Variants in PHLPP2 observed in about 807,000 individuals in gnomAD.
The protein encoded by PHLPP2 is PH domain and leucine rich repeat protein phosphatase 2, also known as PH domain leucine-rich repeat-containing protein phosphatase 2.
PHLPP2 carries 66 observed loss-of-function variants against 124.9 expected under a neutral mutation model. The observed-to-expected ratio is 0.53, with a 90% CI of 0.43 to 0.65. The LOEUF is 0.65. Among genes scored for constraint, PHLPP2 ranks in the 30% least tolerant of loss-of-function variants. The pLI is 0.00. For missense variants in PHLPP2, 1,685 were observed against 1,600.4 expected, an observed-to-expected ratio of 1.05 and a Z score of -0.90; for synonymous variants, 681 against 624.7, an observed-to-expected ratio of 1.09 and a Z score of -1.34.
intron 4 of PHLPP2, among the ~76,000 whole-genome samples, chr16:71,689,404 T>C (rs1189465199): frequency 7.0e-6 from 1 of 143,462 alleles, no homozygotes; most frequent in Non-Finnish European, 1.5e-5. Flanking sequence ...TTTTTTTTTT[T>C]TTTTTTGAGA....
chr16:71,684,446 TC>T (rs1231162624), intron 5 of PHLPP2, 29 bp downstream of exon 5: 3 of 1,612,338 alleles, frequency 1.9e-6, no homozygotes, highest in Non-Finnish European at 2.5e-6. Context: ...TATTCTTATC[TC>T]CACATCAGAA....
Position 71,652,787 on chromosome 16 carries a change from C to A in PHLPP2, c.2817+3G>T, listed in dbSNP as rs2044705820. On this transcript the variant is annotated splice_donor_region_variant and intron_variant, in intron 18 of 18. Transcript: ENST00000568954. ...GAAGTGACTGGCGGGGAGCGGAACA[C>A]ACCTCTGTGATGATGGCTTTTTGGT... The A allele has an allele frequency of 6.2e-7, 1 of 1,608,208 alleles. No homozygotes were observed. The highest frequency in any genetic ancestry group is 1.7e-5 in the Admixed American group (1 of 59,970).
Position 71,650,985 on chromosome 16 carries a change from G to A in PHLPP2, c.2818-941C>T, listed in dbSNP as rs574173261. Among the ~76,000 whole-genome samples, 28 of 152,332 alleles carry A rather than the reference G, an allele frequency of 1.8e-4. No homozygotes were observed. The South Asian group carries it at 5.8e-3, about 32-fold the overall frequency. ...GGCAAATAATGGACAAACAATAAAT[G>A]CTTGTGGCTAAAATAACATTTATAA... On this transcript the variant is annotated intron_variant, in intron 18 of 18. Coordinates refer to ENST00000568954, the MANE Select transcript of PHLPP2 (RefSeq NM_015020.3).
At chr16:71,716,922 A>G (rs7201754) in intron 1 of PHLPP2, among the ~76,000 whole-genome samples, 84,590 of 152,078 alleles carry the variant, frequency 0.56, 24,610 homozygotes, top group African/African-American at 0.71. Context: ...CATCGATGAC[A>G]ATGGGTTTTA....
intron 10 of PHLPP2, among the ~76,000 whole-genome samples, chr16:71,669,966 C>T (rs1234207533): frequency 2.0e-5 from 3 of 152,106 alleles, no homozygotes. Context: ...TATAATGAGG[C>T]AGAATGAAGC....
chr16:71,684,245 C>T (rs1362070300), intron 5 of PHLPP2, among the ~76,000 whole-genome samples: 2 of 151,458 alleles, frequency 1.3e-5, no homozygotes, highest in Admixed American at 1.3e-4. Flanking sequence ...CCTGCCTCAG[C>T]CTTCCGAGTA....
At chr16:71,657,238 C>T (rs531657069) in intron 15 of PHLPP2, among the ~76,000 whole-genome samples, 133 of 152,130 alleles carry the variant, frequency 8.7e-4, no homozygotes, top group African/African-American at 2.9e-3. Flanking sequence ...CCACCGCTCC[C>T]GGCTAATTTT....
chr16:71,658,161 G>A, intron 15 of PHLPP2, 72 bp downstream of exon 15: 1 of 1,320,566 alleles, frequency 7.6e-7, no homozygotes, highest in Non-Finnish European at 1.1e-6. Flanking sequence ...GATCTCCACA[G>A]TACTAAGGAA....
At chr16:71,701,292 CTATCTAT>C (rs1482373259) in intron 3 of PHLPP2, among the ~76,000 whole-genome samples, 1 of 91,650 alleles carries the variant, frequency 1.1e-5, no homozygotes, top group Non-Finnish European at 2.1e-5. Flanking sequence ...ATCTATCTAT[CTATCTAT>C]CTATCTATCT....
chr16:71,706,743 A>G (rs1235161051), intron 2 of PHLPP2, among the ~76,000 whole-genome samples: 1 of 152,158 alleles, frequency 6.6e-6, no homozygotes. Context: ...ACATCAGGGT[A>G]GGAACCTGTG....
At chr16:71,717,751 C>T (rs57187537) in intron 1 of PHLPP2, among the ~76,000 whole-genome samples, 5,714 of 152,114 alleles carry the variant, frequency 0.038, 361 homozygotes, top group African/African-American at 0.13. Context: ...TACAAAGCTC[C>T]GCATTCTCTA....
chr16:71,698,442 G>A (rs8053070), intron 3 of PHLPP2: 352,446 of 727,402 alleles, frequency 0.48, 88,433 homozygotes, highest in Middle Eastern at 0.64. Flanking sequence ...AGATGGACAT[G>A]GTAACTTGGC....
intron 4 of PHLPP2, among the ~76,000 whole-genome samples, chr16:71,687,369 C>T (rs2045063950): frequency 6.6e-6 from 1 of 152,098 alleles, no homozygotes; most frequent in African/African-American, 2.4e-5. Flanking sequence ...TATAACCACA[C>T]CAGTTTTCTT....
chr16:71,682,710 A>C (rs1165155889), intron 5 of PHLPP2, among the ~76,000 whole-genome samples: 1 of 152,220 alleles, frequency 6.6e-6, no homozygotes, highest in Non-Finnish European at 1.5e-5. Flanking sequence ...GAAGAATGGA[A>C]TAGGTACTTA....
rs776468659 is a variant in PHLPP2, at chr16:71,648,872, C to T, written c.*18G>A. ...CAACCCTGCACAGCCTCCTCCCACA[C>T]TGTGCCCAGTGGGGCAGTCATAGTG... On this transcript the variant is annotated 3_prime_UTR_variant, in exon 19 of 19. Coordinates refer to ENST00000568954, the MANE Select transcript of PHLPP2 (RefSeq NM_015020.3). 5 of 1,591,092 alleles carry T rather than the reference C, an allele frequency of 3.1e-6. No homozygotes were observed. In the African/African-American group the frequency reaches 4.0e-5, roughly 13 times the overall value.
At chr16:71,710,107 C>T (rs760310519) in intron 2 of PHLPP2, among the ~76,000 whole-genome samples, 10 of 152,142 alleles carry the variant, frequency 6.6e-5, no homozygotes, top group Non-Finnish European at 1.5e-4. Flanking sequence ...CCTTGGCCTC[C>T]CAAAGTGCTA....
chr16:71,706,905 A>G (rs1037776697), intron 2 of PHLPP2, among the ~76,000 whole-genome samples: 3 of 143,792 alleles, frequency 2.1e-5, no homozygotes, highest in Non-Finnish European at 1.5e-5. Context: ...AATTACCATT[A>G]TTTCATTAAG....
intron 8 of PHLPP2, chr16:71,677,035 T>C: frequency 4.5e-6 from 1 of 221,998 alleles, no homozygotes; most frequent in Admixed American, 5.2e-5. Context: ...TGAGCCACCG[T>C]GCCCGGCCCC....
At chr16:71,719,631 C>G (rs1375292691) in intron 1 of PHLPP2, among the ~76,000 whole-genome samples, 1 of 150,808 alleles carries the variant, frequency 6.6e-6, no homozygotes, top group Admixed American at 6.6e-5. Context: ...AAAAAAGAAT[C>G]TCATGACACA....
Sources: allele counts gnomAD v4.1 joint callset (sites outside exome capture counted in the v4.1 genomes callset), GRCh38; gene constraint gnomAD v4.1.1; transcripts MANE v1.5; gene names NCBI Gene and HGNC (gene_info 2026-07-23, HGNC 2026-07-21).